ANK3: variants seen among roughly 807,000 people sequenced by gnomAD.
ANK3 encodes the protein ankyrin 3.
A neutral mutation model predicts 370.9 loss-of-function variants in ANK3; 57 were observed. The observed-to-expected ratio is 0.15, with a 90% CI of 0.12 to 0.19. The LOEUF is 0.19. Among genes scored for constraint, ANK3 ranks in the 10% least tolerant of loss-of-function variants. The pLI, the probability that ANK3 is intolerant of heterozygous loss-of-function variation, is 1.00. For synonymous variants in ANK3, 1,929 were observed against 1,946.3 expected (o/e 0.99, Z 0.23); for missense variants, 4,439 against 5,302.1 (o/e 0.84, Z 5.06).
At chr10:60,174,902 T>C (rs2095885378) in intron 18 of ANK3, among the ~76,000 whole-genome samples, 1 of 152,088 alleles carries the variant, frequency 6.6e-6, no homozygotes, top group African/African-American at 2.4e-5. Context: ...CTATTTTTTG[T>C]AGGGATGAGG....
At chr10:60,120,944 G>C (rs2093429444) in intron 25 of ANK3, among the ~76,000 whole-genome samples, 2 of 152,054 alleles carry the variant, frequency 1.3e-5, no homozygotes, top group Non-Finnish European at 2.9e-5. Flanking sequence ...ATGCTATCCA[G>C]CAAGCCCACT....
chr10:60,677,131 G>T (rs1310274278), intron 1 of ANK3, among the ~76,000 whole-genome samples: 1 of 152,116 alleles, frequency 6.6e-6, no homozygotes, highest in Non-Finnish European at 1.5e-5. Flanking sequence ...CCAAGACCAG[G>T]TGCCCTTAAG....
intron 2 of ANK3, among the ~76,000 whole-genome samples, chr10:60,448,203 C>T (rs376188838): frequency 3.5e-4 from 53 of 152,266 alleles, no homozygotes; most frequent in African/African-American, 1.2e-3. Context: ...CTATGTTCTA[C>T]GACTGCAAAA....
chr10:60,082,532 TAC>T (rs2085524032), intron 34 of ANK3, 81 bp downstream of exon 34: 1 of 1,527,754 alleles, frequency 6.5e-7, no homozygotes, highest in Non-Finnish European at 8.8e-7. Flanking sequence ...TTATTCATGT[TAC>T]AAAGCATTCC....
At chr10:60,470,756 GCA>G (rs1173998684) in intron 2 of ANK3, among the ~76,000 whole-genome samples, 1 of 151,982 alleles carries the variant, frequency 6.6e-6, no homozygotes, top group Non-Finnish European at 1.5e-5. Context: ...AAATGGAATA[GCA>G]CAGAGTAGAG....
chr10:60,064,085 C>T, intron 39 of ANK3, 72 bp downstream of exon 39: 1 of 1,380,776 alleles, frequency 7.2e-7, no homozygotes, highest in Non-Finnish European at 9.7e-7. Context: ...TTGGATGAAC[C>T]TAACAGTTGG....
At chr10:60,568,385 T>G (rs182189295) in intron 2 of ANK3, among the ~76,000 whole-genome samples, 2 of 152,326 alleles carry the variant, frequency 1.3e-5, no homozygotes, top group East Asian at 3.9e-4. Flanking sequence ...GTGCATTGCC[T>G]TTTTAGACAT....
intron 2 of ANK3, among the ~76,000 whole-genome samples, chr10:60,448,242 A>G (rs1327267188): frequency 6.6e-6 from 1 of 152,230 alleles, no homozygotes; most frequent in Non-Finnish European, 1.5e-5. Context: ...ATTTCTGGGA[A>G]TCGGCAATCA....
intron 2 of ANK3, among the ~76,000 whole-genome samples, chr10:60,484,053 T>C (rs1293307929): frequency 6.6e-6 from 1 of 152,190 alleles, no homozygotes; most frequent in Non-Finnish European, 1.5e-5. Flanking sequence ...TCCCTCCTTA[T>C]TAAACTCACA....
At chr10:60,301,819 C>T (rs2043884614) in intron 1 of ANK3, among the ~76,000 whole-genome samples, 1 of 152,180 alleles carries the variant, frequency 6.6e-6, no homozygotes, top group African/African-American at 2.4e-5. Flanking sequence ...CTTCAGATAA[C>T]TTTCTACTGT....
intron 16 of ANK3, among the ~76,000 whole-genome samples, chr10:60,192,084 G>A (rs1044418981): frequency 7.9e-5 from 12 of 151,980 alleles, no homozygotes; most frequent in African/African-American, 2.7e-4. Flanking sequence ...AGTAGAGAAG[G>A]GGTTTCACCA....
chr10:60,225,158 T>C (rs2097120199), intron 8 of ANK3, among the ~76,000 whole-genome samples: 1 of 151,958 alleles, frequency 6.6e-6, no homozygotes, highest in African/African-American at 2.4e-5. Flanking sequence ...AGCAATCCTC[T>C]CACGTCAGCT....
chr10:60,538,988 G>A (rs940571581), intron 2 of ANK3, among the ~76,000 whole-genome samples: 2 of 151,678 alleles, frequency 1.3e-5, no homozygotes, highest in Non-Finnish European at 2.9e-5. Flanking sequence ...TAAACATAGC[G>A]CACAGTAATC....
intron 2 of ANK3, among the ~76,000 whole-genome samples, chr10:60,533,509 T>C (rs974492292): frequency 6.1e-4 from 93 of 152,196 alleles, no homozygotes; most frequent in African/African-American, 2.2e-3. Context: ...AAGATGAAGC[T>C]AGTGGACATT....
chr10:60,417,470 G>A (rs1038090660), intron 2 of ANK3, among the ~76,000 whole-genome samples: 1 of 152,188 alleles, frequency 6.6e-6, no homozygotes. Flanking sequence ...GAGGAATTCT[G>A]TATAAGGTTG....
intron 4 of ANK3, among the ~76,000 whole-genome samples, chr10:60,274,614 T>C (rs929489880): frequency 3.9e-5 from 6 of 152,162 alleles, no homozygotes; most frequent in Non-Finnish European, 8.8e-5. Flanking sequence ...CCAGTCTTGA[T>C]TGACCTGTAG....
intron 1 of ANK3, among the ~76,000 whole-genome samples, chr10:60,292,331 A>G (rs1473748970): frequency 6.6e-6 from 1 of 152,132 alleles, no homozygotes; most frequent in Non-Finnish European, 1.5e-5. Context: ...GAGACAAAGA[A>G]GCATGAGAGA....
chr10:60,405,919 G>A (rs1341622045), intron 2 of ANK3, among the ~76,000 whole-genome samples: 1 of 151,998 alleles, frequency 6.6e-6, no homozygotes, highest in Non-Finnish European at 1.5e-5. Context: ...AGCATGTTGG[G>A]AGAAAAAGCA....
chr10:60,684,040 G>C (rs1393425841), intron 1 of ANK3, among the ~76,000 whole-genome samples: 2 of 152,174 alleles, frequency 1.3e-5, no homozygotes, highest in Admixed American at 6.5e-5. Flanking sequence ...TGTTTGTTTA[G>C]TCAATGTGAA....
Sources: gnomAD v4.1 joint callset for allele counts (sites outside exome capture counted in the v4.1 genomes callset) on GRCh38, gnomAD v4.1.1 for gene constraint, MANE v1.5 for transcripts, NCBI Gene and HGNC (gene_info 2026-07-23, HGNC 2026-07-21) for gene names.